The following WWP2 variants were observed in gnomAD, a reference collection of about 807,000 sequenced individuals.
WWP2 encodes WW domain containing E3 ubiquitin protein ligase 2.
WWP2 carries 57 observed loss-of-function variants against 121.0 expected under a neutral mutation model. The ratio of observed to expected loss-of-function variants is 0.47; its 90% confidence interval spans 0.38 to 0.59. The LOEUF (loss-of-function observed/expected upper bound fraction) is 0.59, where lower values mean the gene tolerates loss of function less well. Ranked by LOEUF, WWP2 falls within the 20% of genes least tolerant of loss-of-function variation. The probability of loss-of-function intolerance (pLI) is 0.00; values close to 1 mark genes in which losing one functional copy is unlikely to be tolerated. For synonymous variants in WWP2, 449 were observed against 441.3 expected, an observed-to-expected ratio of 1.02 and a Z score of -0.22; for missense variants, 962 against 1,158.9, an observed-to-expected ratio of 0.83 and a Z score of 2.47.
Position 69,937,344 on chromosome 16 carries a change from T to C in WWP2, c.2238+106T>C, listed in dbSNP as rs1344037833. On this transcript the variant is annotated intron_variant, in intron 20 of 23. Coordinates refer to ENST00000359154, the MANE Select transcript of WWP2 (RefSeq NM_001270454.2). The surrounding 1 kb of genome is among the most constrained non-coding windows in gnomAD (Gnocchi z 6.6). Reference sequence around the variant, plus strand: ...CAGACACTCAGCGTAAAACTCCCACTTCGGCAGGGCAGATGGGTTTGATTT... The same window carrying C: ...CAGACACTCAGCGTAAAACTCCCACCTCGGCAGGGCAGATGGGTTTGATTT... The C allele has an allele frequency of 6.5e-7, 1 of 1,535,208 alleles. No homozygotes were observed. The highest frequency in any genetic ancestry group is 1.9e-5 in the Admixed American group (1 of 53,112).
At chr16:69,909,930 TCTGA>T (rs2058355315) in intron 9 of WWP2, 1 of 161,438 alleles carries the variant, frequency 6.2e-6, no homozygotes, top group Non-Finnish European at 1.3e-5. Flanking sequence ...AATCCGGCCC[TCTGA>T]CTGTTTTTGT....
intron 6 of WWP2, among the ~76,000 whole-genome samples, chr16:69,863,022 C>T (rs1016026804): frequency 1.2e-4 from 18 of 152,254 alleles, no homozygotes; most frequent in East Asian, 3.9e-4. Context: ...CCGCCACCCC[C>T]GGCCTAGCCA....
At chr16:69,927,812 G>A (rs1477533790) in intron 11 of WWP2, among the ~76,000 whole-genome samples, 1 of 152,086 alleles carries the variant, frequency 6.6e-6, no homozygotes, top group Non-Finnish European at 1.5e-5. Flanking sequence ...TCTTTCCTTT[G>A]GCTTTCTTTT....
intron 2 of WWP2, among the ~76,000 whole-genome samples, chr16:69,790,169 C>T (rs947041239): frequency 3.3e-5 from 5 of 152,288 alleles, no homozygotes; most frequent in African/African-American, 9.6e-5. Context: ...ACCGCCTCAA[C>T]CCGGGAGGCC....
At chr16:69,819,505 C>T (rs2056555836) in intron 4 of WWP2, among the ~76,000 whole-genome samples, 2 of 152,208 alleles carry the variant, frequency 1.3e-5, no homozygotes. Context: ...TCTCCTGAAA[C>T]TGACCCCTTC....
At chr16:69,928,956 G>A (rs1485827440) in intron 11 of WWP2, among the ~76,000 whole-genome samples, 5 of 152,140 alleles carry the variant, frequency 3.3e-5, no homozygotes, top group South Asian at 2.1e-4. Context: ...AGAGAGGTGC[G>A]AGGGAAATGC....
intron 4 of WWP2, among the ~76,000 whole-genome samples, chr16:69,807,640 A>G (rs986003351): frequency 4.1e-4 from 61 of 149,812 alleles, no homozygotes; most frequent in East Asian, 2.5e-3. Context: ...AAAAAAAAAA[A>G]AAAAGAAAAG....
intron 6 of WWP2, among the ~76,000 whole-genome samples, chr16:69,860,267 G>T (rs1027218193): frequency 6.6e-6 from 1 of 152,182 alleles, no homozygotes; most frequent in Admixed American, 6.5e-5. Flanking sequence ...GAGGTTACAG[G>T]CCCAAGAGTG....
Position 69,935,780 on chromosome 16 carries a change from C to T in WWP2, c.1843-73C>T, listed in dbSNP as rs971423780. ...GGGTAGCGGTAGCAGAGTTTGATACCGAGCATCTGAGAGCTGGTCTTGGCA... is the reference window on the plus strand; with the variant it reads ...GGGTAGCGGTAGCAGAGTTTGATACTGAGCATCTGAGAGCTGGTCTTGGCA... On this transcript the variant is annotated intron_variant, in intron 17 of 23. Coordinates refer to ENST00000359154, the MANE Select transcript of WWP2 (RefSeq NM_001270454.2). This position sits in a 1 kb window ranked among gnomAD's most constrained non-coding sequence, Gnocchi z 5.2. 38 of 1,537,828 alleles carry T rather than the reference C, an allele frequency of 2.5e-5. No homozygotes were observed. Among genetic ancestry groups the T allele is most frequent in the Admixed American group, 1.7e-4 (8 of 47,694 alleles).
chr16:69,787,170 G>T, intron 2 of WWP2, 90 bp downstream of exon 2: 1 of 1,040,158 alleles, frequency 9.6e-7, no homozygotes. Flanking sequence ...GCCAAATTTT[G>T]TGAAATAGTT....
chr16:69,764,731 A>G (rs764766748), intron 1 of WWP2, among the ~76,000 whole-genome samples: 11 of 152,230 alleles, frequency 7.2e-5, no homozygotes, highest in Non-Finnish European at 1.2e-4. Context: ...CACTAGCCAC[A>G]TGGGGCTGCT....
At chr16:69,786,737 G>A (rs1280620030) in intron 1 of WWP2, among the ~76,000 whole-genome samples, 2 of 151,986 alleles carry the variant, frequency 1.3e-5, no homozygotes, top group African/African-American at 2.4e-5. Flanking sequence ...AGACGTGAGC[G>A]ACCATGCCTG....
chr16:69,770,338 C>T (rs1454635754), intron 1 of WWP2, among the ~76,000 whole-genome samples: 2 of 152,110 alleles, frequency 1.3e-5, no homozygotes, highest in Non-Finnish European at 2.9e-5. Flanking sequence ...TCTGCAGTGG[C>T]AGTGACTTAA....
chr16:69,814,592 C>T (rs1438679865), intron 4 of WWP2, among the ~76,000 whole-genome samples: 1 of 152,212 alleles, frequency 6.6e-6, no homozygotes, highest in Non-Finnish European at 1.5e-5. Context: ...TGTGTTTCTT[C>T]TCTTTCCTCG....
At chr16:69,864,714 G>A (rs920899869) in intron 6 of WWP2, among the ~76,000 whole-genome samples, 4 of 147,024 alleles carry the variant, frequency 2.7e-5, no homozygotes, top group Admixed American at 1.4e-4. Flanking sequence ...TATGCCTGAC[G>A]AATTTTTGCA....
intron 4 of WWP2, among the ~76,000 whole-genome samples, chr16:69,801,912 A>T (rs2056175225): frequency 6.6e-6 from 1 of 151,678 alleles, no homozygotes; most frequent in Non-Finnish European, 1.5e-5. Flanking sequence ...AAATGTATCA[A>T]TATATATTTA....
intron 4 of WWP2, among the ~76,000 whole-genome samples, chr16:69,815,735 C>T (rs1464077025): frequency 1.3e-5 from 2 of 149,274 alleles, no homozygotes; most frequent in Non-Finnish European, 3.0e-5. Context: ...TGCAGTGAGC[C>T]GAGATCGCCC....
At chr16:69,913,403 G>A (rs1200393287) in intron 9 of WWP2, among the ~76,000 whole-genome samples, 5 of 152,140 alleles carry the variant, frequency 3.3e-5, no homozygotes, top group African/African-American at 1.2e-4. Context: ...TTGGGAGGCT[G>A]AGGTGGGAGA....
chr16:69,898,828 G>A (rs2058150364), intron 8 of WWP2, among the ~76,000 whole-genome samples: 1 of 151,970 alleles, frequency 6.6e-6, no homozygotes, highest in Non-Finnish European at 1.5e-5. Flanking sequence ...CTCAGCCTCT[G>A]GAGTAGCTGG....
Sources: gnomAD v4.1 joint callset for allele counts (sites outside exome capture counted in the v4.1 genomes callset) on GRCh38, gnomAD v4.1.1 for gene constraint, Gnocchi (gnomAD v3.1) non-coding constraint, MANE v1.5 for transcripts, NCBI Gene and HGNC (gene_info 2026-07-23, HGNC 2026-07-21) for gene names.